The following HYDIN variants were observed in gnomAD, a reference collection of about 807,000 sequenced individuals.
HYDIN encodes HYDIN axonemal central pair apparatus protein.
A neutral mutation model predicts 403.9 loss-of-function variants in HYDIN; 132 were observed. The observed-to-expected ratio is 0.33, with a 90% CI of 0.28 to 0.38. The LOEUF (loss-of-function observed/expected upper bound fraction) is 0.38, where lower values mean the gene tolerates loss of function less well. HYDIN is among the 10% of genes least tolerant of loss of function. The pLI is 1.00. For synonymous variants in HYDIN, 1,202 were observed against 1,891.7 expected (o/e 0.64, Z 9.46); for missense variants, 2,827 against 5,009.5 (o/e 0.56, Z 13.15).
At chr16:70,830,454 T>C (rs1373743444) in intron 80 of HYDIN, among the ~76,000 whole-genome samples, 1 of 145,794 alleles carries the variant, frequency 6.9e-6, no homozygotes, top group Admixed American at 6.7e-5. Context: ...ACACTTTTTT[T>C]TTTTTTTTTT....
intron 47 of HYDIN, among the ~76,000 whole-genome samples, chr16:70,917,242 G>A (rs1444452449): frequency 2.0e-5 from 3 of 152,216 alleles, no homozygotes; most frequent in Non-Finnish European, 4.4e-5. Flanking sequence ...CACAATAAGG[G>A]GTTGATGGAA....
At position 70,860,912 on chromosome 16, in the gene HYDIN, A is replaced by G. The variant is rs1417507863; in HGVS notation, c.11778-11T>C. 8 of 627,702 alleles carry G rather than the reference A, an allele frequency of 1.3e-5. No homozygotes were observed. Among genetic ancestry groups the G allele is most frequent in the East Asian group, 5.5e-5 (2 of 36,658 alleles). 38.9% of individuals were successfully genotyped at this position (627,702 alleles called of 1,614,324 possible). A position where few individuals can be genotyped will look rare whatever the true frequency, so the allele number is the denominator to read the frequency against. ...GGCAGGTTGGGAATCCTGAGAGGAT[A>G]AGGTTATTTTTATTTGTTTTATTTT... On this transcript the variant is annotated splice_polypyrimidine_tract_variant and intron_variant, in intron 69 of 85. Transcript: ENST00000393567.
At chr16:70,966,141 A>T (rs986310775) in intron 36 of HYDIN, among the ~76,000 whole-genome samples, 20 of 151,960 alleles carry the variant, frequency 1.3e-4, no homozygotes, top group Non-Finnish European at 1.8e-4. Flanking sequence ...TGAAGTCTCC[A>T]TTGCCATCTC....
intron 52 of HYDIN, 124 bp from the exon 53 acceptor site, chr16:70,901,326 T>C (rs2076371888): frequency 3.3e-6 from 2 of 610,354 alleles, no homozygotes; most frequent in Admixed American, 2.7e-5. Flanking sequence ...TAAACACATG[T>C]CATGGGGGTT....
intron 23 of HYDIN, among the ~76,000 whole-genome samples, chr16:71,014,031 G>A (rs1597545506): frequency 6.7e-6 from 1 of 149,244 alleles, no homozygotes; most frequent in East Asian, 2.0e-4. Context: ...CTACTCCAGT[G>A]GAGTTGTTGC....
chr16:71,208,384 G>A (rs2088409124), intron 1 of HYDIN, among the ~76,000 whole-genome samples: 1 of 152,140 alleles, frequency 6.6e-6, no homozygotes, highest in African/African-American at 2.4e-5. Context: ...CAACATGCCA[G>A]AATCTCTGGG....
At chr16:70,866,826 A>T (rs1467867423) in intron 66 of HYDIN, among the ~76,000 whole-genome samples, 1 of 151,992 alleles carries the variant, frequency 6.6e-6, no homozygotes, top group Non-Finnish European at 1.5e-5. Context: ...GGAGTTTGAG[A>T]CCAGCCTGGC....
chr16:71,114,507 A>G (rs1175066258), intron 10 of HYDIN, among the ~76,000 whole-genome samples: 1 of 151,976 alleles, frequency 6.6e-6, no homozygotes, highest in Admixed American at 6.5e-5. Flanking sequence ...AGTTCCTTTC[A>G]CTAAAGAGTG....
In HYDIN at chr16:70,910,333, G is replaced by A. The variant is rs554457533; in HGVS notation, c.8005-1472C>T. ...CTACCACATATCAGTGAGAACATACGATGTTTCCCATTCCTGAGTTACTTC... is the reference window on the plus strand; with the variant it reads ...CTACCACATATCAGTGAGAACATACAATGTTTCCCATTCCTGAGTTACTTC... On this transcript the variant is annotated intron_variant, in intron 47 of 85. Transcript: ENST00000393567. 4.7e-3 allele frequency among the ~76,000 whole-genome samples: 713 copies of A among 152,048 alleles called. 4 individuals carry two copies. The highest frequency in any genetic ancestry group is 0.016 in the African/African-American group (668 of 41,498).
At position 70,881,300 on chromosome 16, in the gene HYDIN, T is replaced by C. The variant is rs1400080677; in HGVS notation, c.10215+1360A>G. On this transcript the variant is annotated intron_variant, in intron 60 of 85. Transcript: ENST00000393567. ...ACAGAAGAGGAAGAAAGCTGCCCCT[T>C]AGTATCCCAAATAAGATTAGAGAAT... is the stretch of plus-strand genomic sequence containing the variant. Among the ~76,000 whole-genome samples, 3 of 140,214 alleles carry C rather than the reference T, an allele frequency of 2.1e-5. No individual in the cohort carries two copies. In the East Asian group the frequency reaches 6.0e-4, roughly 28 times the overall value. 92.0% of individuals were successfully genotyped at this position (140,214 alleles called of 152,430 possible).
At chr16:71,198,002 C>G (rs1323191469) in intron 1 of HYDIN, among the ~76,000 whole-genome samples, 1 of 152,250 alleles carries the variant, frequency 6.6e-6, no homozygotes, top group Non-Finnish European at 1.5e-5. Context: ...CCGCCTCAGT[C>G]TCCCAAAGTG....
chr16:70,809,705 C>T, intron 85 of HYDIN, 78 bp downstream of exon 85: 1 of 1,134,882 alleles, frequency 8.8e-7, no homozygotes. Flanking sequence ...CATTCATGCT[C>T]CCTGTGTCTC....
intron 53 of HYDIN, among the ~76,000 whole-genome samples, chr16:70,900,428 G>T (rs1567793617): frequency 6.9e-6 from 1 of 144,312 alleles, no homozygotes; most frequent in Non-Finnish European, 1.5e-5. Context: ...AGTGAGCCGA[G>T]ATCACACCAC....
At chr16:70,839,962 C>G (rs1388062489) in intron 76 of HYDIN, 102 bp downstream of exon 76, 1 of 861,340 alleles carries the variant, frequency 1.2e-6, no homozygotes, top group Non-Finnish European at 1.8e-6. Flanking sequence ...TTCCCATAAT[C>G]ATTTTTTTTT....
chr16:71,133,280 C>T, intron 8 of HYDIN: 1 of 456,414 alleles, frequency 2.2e-6, no homozygotes, highest in Non-Finnish European at 4.4e-6. Context: ...ATGGAGCCAT[C>T]CACCTTCAAA....
chr16:71,136,700 G>A lies in HYDIN; in HGVS notation c.1043+451C>T, dbSNP rs1165617238. On this transcript the variant is annotated intron_variant, in intron 8 of 85. Coordinates refer to ENST00000393567, the MANE Select transcript of HYDIN (RefSeq NM_001270974.2). ...GAGAATTGCTTGAACCCAGGAGGCA[G>A]AGGTTGTAGTGAGCTGAGATCGCGC... 2.7e-5 allele frequency among the ~76,000 whole-genome samples: 4 copies of A among 146,004 alleles called. No homozygotes were observed. In the Admixed American group the frequency reaches 2.8e-4, roughly 10 times the overall value.
chr16:70,902,823 T>TATA (rs1567799734), intron 52 of HYDIN, among the ~76,000 whole-genome samples: 125 of 20,730 alleles, frequency 6.0e-3, no homozygotes, highest in African/African-American at 0.021. Context: ...ATATATATAT[T>TATA]TTTTTTTTTT....
At chr16:71,082,624 G>A (rs1512618) in intron 12 of HYDIN, among the ~76,000 whole-genome samples, 2 of 151,464 alleles carry the variant, frequency 1.3e-5, no homozygotes, top group East Asian at 1.9e-4. Flanking sequence ...CTAACTAGTC[G>A]AAGTTCACTT....
chr16:71,025,939 C>T (rs1040264117), intron 20 of HYDIN, among the ~76,000 whole-genome samples: 132 of 150,868 alleles, frequency 8.7e-4, no homozygotes, highest in South Asian at 2.1e-4. Context: ...TTGCTCTTGT[C>T]GCCCAGGCTG....
Sources: gnomAD v4.1 joint callset for allele counts (sites outside exome capture counted in the v4.1 genomes callset) on GRCh38, gnomAD v4.1.1 for gene constraint, MANE v1.5 for transcripts, NCBI Gene and HGNC (gene_info 2026-07-23, HGNC 2026-07-21) for gene names.